FGF12: variants seen among roughly 807,000 people sequenced by gnomAD.
The protein encoded by FGF12 is fibroblast growth factor 12, also known as fibroblast growth factor 12B.
A neutral mutation model predicts 23.6 loss-of-function variants in FGF12; 14 were observed. The ratio of observed to expected loss-of-function variants is 0.59; its 90% CI spans 0.39 to 0.93. The LOEUF is 0.93. Ranked by LOEUF, FGF12 falls within the 40% of genes least tolerant of loss-of-function variation. The probability of loss-of-function intolerance (pLI) is 0.00; values close to 1 mark genes in which losing one functional copy is unlikely to be tolerated. For synonymous variants in FGF12, 62 were observed against 77.3 expected (o/e 0.80, Z 1.04); for missense variants, 175 against 217.8 (o/e 0.80, Z 1.24).
intron 4 of FGF12, among the ~76,000 whole-genome samples, chr3:192,263,081 T>C (rs902793003): frequency 6.6e-6 from 1 of 152,052 alleles, no homozygotes; most frequent in Non-Finnish European, 1.5e-5. Flanking sequence ...TATTTAAGCA[T>C]AGGATTTCTA....
In FGF12 at chr3:192,395,318, T is replaced by A. The variant is rs957167298; in HGVS notation, c.14-34780A>T. ...TATAAGAAGGGATGGCCATTAGGAG[T>A]TGGGTTGGGGAATAAGTAAAGACAT... On this transcript the variant is annotated intron_variant, in intron 2 of 5. Coordinates refer to ENST00000445105, the MANE Select transcript of FGF12 (RefSeq NM_004113.6). Among the ~76,000 whole-genome samples, 5 of 152,220 alleles carry A rather than the reference T, an allele frequency of 3.3e-5. 1 individual carries two copies.
chr3:192,585,692 G>A (rs375817969), intron 2 of FGF12, among the ~76,000 whole-genome samples: 13 of 151,978 alleles, frequency 8.6e-5, no homozygotes, highest in African/African-American at 1.2e-4. Flanking sequence ...TGAACTCCCC[G>A]AGCCCCTCAA....
chr3:192,727,376 A>T, intron 1 of FGF12, 53 bp from the exon 2 acceptor site: 1 of 1,502,348 alleles, frequency 6.7e-7, no homozygotes, highest in Non-Finnish European at 8.9e-7. Context: ...ACCAAAGGAC[A>T]CTTAGGAGCA....
intron 2 of FGF12, among the ~76,000 whole-genome samples, chr3:192,664,794 A>G (rs938809530): frequency 3.0e-4 from 45 of 151,982 alleles, no homozygotes; most frequent in Admixed American, 2.7e-3. Flanking sequence ...AAAGTCACCA[A>G]AAAGCCAGCC....
At chr3:192,362,577 C>T (rs191539823) in intron 2 of FGF12, among the ~76,000 whole-genome samples, 9 of 152,304 alleles carry the variant, frequency 5.9e-5, no homozygotes, top group Non-Finnish European at 1.3e-4. Context: ...GTGGTAGACT[C>T]ACCTATAGAT....
chr3:192,309,744 T>C (rs1247662086), intron 4 of FGF12, among the ~76,000 whole-genome samples: 1 of 151,976 alleles, frequency 6.6e-6, no homozygotes, highest in African/African-American at 2.4e-5. Flanking sequence ...ATATATGAAA[T>C]GACTGAAAAG....
chr3:192,660,299 G>A (rs1439429338), intron 2 of FGF12, among the ~76,000 whole-genome samples: 2 of 142,042 alleles, frequency 1.4e-5, no homozygotes, highest in Non-Finnish European at 1.5e-5. Context: ...TCATAGGTGG[G>A]AATTGAACAA....
At chr3:192,270,616 C>A (rs1168972511) in intron 4 of FGF12, among the ~76,000 whole-genome samples, 1 of 152,050 alleles carries the variant, frequency 6.6e-6, no homozygotes, top group East Asian at 1.9e-4. Context: ...GTATCTTATA[C>A]GTTATGTATC....
At position 192,509,972 on chromosome 3, in the gene FGF12, T is replaced by A. The variant is rs147417424; in HGVS notation, c.14-149434A>T. Among the ~76,000 whole-genome samples the A allele has an allele frequency of 4.7e-3, 714 of 152,240 alleles. 1 individual carries two copies. Among genetic ancestry groups the A allele is most frequent in the Non-Finnish European group, 6.2e-3 (425 of 68,012 alleles). On this transcript the variant is annotated intron_variant, in intron 2 of 5. Coordinates refer to ENST00000445105, the MANE Select transcript of FGF12 (RefSeq NM_004113.6). ...AATTGAAGTTACTCACAAAAAGAAG[T>A]TTTAACTTTTTATTTGCATTAAATG... is the stretch of plus-strand genomic sequence containing the variant.
chr3:192,395,558 T>C (rs997101144), intron 2 of FGF12, among the ~76,000 whole-genome samples: 1 of 152,254 alleles, frequency 6.6e-6, no homozygotes, highest in Admixed American at 6.5e-5. Context: ...TAATTTCGTT[T>C]TGATGAATTA....
At chr3:192,148,444 G>A (rs1713848193) in intron 5 of FGF12, among the ~76,000 whole-genome samples, 1 of 152,204 alleles carries the variant, frequency 6.6e-6, no homozygotes, top group East Asian at 1.9e-4. Flanking sequence ...CTTGCCAGGG[G>A]CTGGGGAAGA....
intron 4 of FGF12, among the ~76,000 whole-genome samples, chr3:192,297,675 T>C (rs1715119887): frequency 6.6e-6 from 1 of 152,130 alleles, no homozygotes; most frequent in Admixed American, 6.6e-5. Flanking sequence ...AATGAGCAAT[T>C]GATTATAAAA....
At chr3:192,501,243 G>A (rs1344356265) in intron 2 of FGF12, among the ~76,000 whole-genome samples, 2 of 152,026 alleles carry the variant, frequency 1.3e-5, no homozygotes, top group African/African-American at 2.4e-5. Context: ...GCTGGGAAGG[G>A]TTCTAATAAT....
intron 2 of FGF12, among the ~76,000 whole-genome samples, chr3:192,495,392 T>G (rs1723924594): frequency 6.6e-6 from 1 of 152,194 alleles, no homozygotes; most frequent in Non-Finnish European, 1.5e-5. Context: ...CCAAGATACT[T>G]ACATCATGCA....
At chr3:192,579,713 G>T (rs1033723728) in intron 2 of FGF12, among the ~76,000 whole-genome samples, 7 of 152,150 alleles carry the variant, frequency 4.6e-5, no homozygotes, top group African/African-American at 1.7e-4. Flanking sequence ...GGGACTACAG[G>T]TGTGTGCCAC....
At chr3:192,488,817 C>T (rs1723714178) in intron 2 of FGF12, among the ~76,000 whole-genome samples, 1 of 152,062 alleles carries the variant, frequency 6.6e-6, no homozygotes, top group Non-Finnish European at 1.5e-5. Flanking sequence ...TAGGGCAATA[C>T]ATACTTCGGC....
intron 2 of FGF12, among the ~76,000 whole-genome samples, chr3:192,420,116 A>T (rs1290934331): frequency 1.3e-5 from 2 of 152,112 alleles, no homozygotes; most frequent in African/African-American, 2.4e-5. Flanking sequence ...CTTGTGTAGG[A>T]AAGATCCCAG....
intron 2 of FGF12, among the ~76,000 whole-genome samples, chr3:192,374,307 A>G (rs1481887268): frequency 6.6e-6 from 1 of 152,226 alleles, no homozygotes; most frequent in African/African-American, 2.4e-5. Context: ...CACATAATCC[A>G]TTCTTTCCAT....
At chr3:192,193,738 T>G (rs1273772575) in intron 4 of FGF12, among the ~76,000 whole-genome samples, 1 of 152,144 alleles carries the variant, frequency 6.6e-6, no homozygotes, top group East Asian at 1.9e-4. Context: ...TGAAACACTT[T>G]TAAATACTAG....
Sources: allele counts gnomAD v4.1 joint callset (sites outside exome capture counted in the v4.1 genomes callset), GRCh38; gene constraint gnomAD v4.1.1; transcripts MANE v1.5; gene names NCBI Gene and HGNC (gene_info 2026-07-23, HGNC 2026-07-21).